The following STS variants were observed in gnomAD, a reference collection of about 807,000 sequenced individuals.
STS encodes the protein steroid sulfatase, also known as steryl-sulfatase.
A neutral mutation model predicts 26.8 loss-of-function variants in STS; 7 were observed. The observed-to-expected ratio is 0.26, with a 90% CI of 0.15 to 0.49. The LOEUF (loss-of-function observed/expected upper bound fraction) is 0.49, where lower values mean the gene tolerates loss of function less well. STS is among the 20% of genes least tolerant of loss of function. The probability of loss-of-function intolerance (pLI) is 0.98; values close to 1 mark genes in which losing one functional copy is unlikely to be tolerated. For synonymous variants in STS, 199 were observed against 189.4 expected, an observed-to-expected ratio of 1.05 and a Z score of -0.42; for missense variants, 434 against 465.6, an observed-to-expected ratio of 0.93 and a Z score of 0.63.
chrX:7,287,996 T>A, intron 7 of STS, among the ~76,000 whole-genome samples: 1 of 111,011 alleles, frequency 9.0e-6, no homozygotes, highest in East Asian at 2.8e-4. Context: ...TTTTTTTCTA[T>A]TGTGTGTAGG....
At chrX:7,269,768 G>A (rs1156620812) in intron 6 of STS, among the ~76,000 whole-genome samples, 1 of 111,352 alleles carries the variant, frequency 9.0e-6, no homozygotes, top group Non-Finnish European at 1.9e-5. Context: ...GTTGGGGGTG[G>A]CGGTTGTTGA....
chrX:7,203,629 C>T (rs1269519376), intron 2 of STS, among the ~76,000 whole-genome samples: 4 of 111,574 alleles, frequency 3.6e-5, no homozygotes, highest in Non-Finnish European at 7.5e-5. Flanking sequence ...TTTATATATA[C>T]AAGAATTTAT....
chrX:7,155,038 G>T (rs774916879), intron 1 of STS, among the ~76,000 whole-genome samples: 2 of 112,054 alleles, frequency 1.8e-5, no homozygotes, highest in South Asian at 3.7e-4. Context: ...TGGTTGCACA[G>T]CCTCTCCCTT....
chrX:7,253,052 G>A (rs946538235), intron 2 of STS, 144 bp from the exon 3 acceptor site: 3 of 649,009 alleles, frequency 4.6e-6, no homozygotes, highest in Non-Finnish European at 7.2e-6. Context: ...TTGGGAGGCT[G>A]AGACAGGAGG....
intron 1 of STS, among the ~76,000 whole-genome samples, chrX:7,161,907 T>C (rs1474998641): frequency 3.6e-5 from 4 of 111,458 alleles, no homozygotes; most frequent in African/African-American, 1.3e-4. Flanking sequence ...AACTGAGAAA[T>C]TGCCCCATAT....
chrX:7,316,244 C>T (rs747047674), intron 8 of STS, among the ~76,000 whole-genome samples: 15 of 112,012 alleles, frequency 1.3e-4, no homozygotes, highest in Admixed American at 1.9e-4. Flanking sequence ...CACTTCCCCC[C>T]GATGCTGAAG....
At chrX:7,271,913 G>A (rs965729260) in intron 6 of STS, among the ~76,000 whole-genome samples, 8 of 109,915 alleles carry the variant, frequency 7.3e-5, no homozygotes, top group Non-Finnish European at 1.5e-4. Context: ...GGGGATGCCT[G>A]GCTTAGCTCT....
intron 1 of STS, 24 bp downstream of exon 1, chrX:7,148,107 C>T (rs1443420119): frequency 1.8e-6 from 2 of 1,131,368 alleles, no homozygotes; most frequent in Non-Finnish European, 2.3e-6. Context: ...TGCGGGGGCG[C>T]CGCCATGGTG....
chrX:7,275,879 A>G (rs1361195632), intron 6 of STS, 72 bp from the exon 7 acceptor site: 1 of 1,107,669 alleles, frequency 9.0e-7, no homozygotes, highest in African/African-American at 1.9e-5. Context: ...GATCTTAATC[A>G]GAATGGTGGC....
chrX:7,323,188 A>C (rs896661294), intron 8 of STS, among the ~76,000 whole-genome samples: 3 of 111,274 alleles, frequency 2.7e-5, no homozygotes, highest in African/African-American at 6.5e-5. Context: ...TGTCCGTTGT[A>C]ATCATTGACC....
intron 2 of STS, among the ~76,000 whole-genome samples, chrX:7,240,465 GCA>G (rs3077768): frequency 0.37 from 31,315 of 84,927 alleles, 4,872 homozygotes; most frequent in Middle Eastern, 0.43. Context: ...GAGCGCGCGC[GCA>G]CACACACACA....
intron 9 of STS, among the ~76,000 whole-genome samples, chrX:7,325,822 A>C (rs1927422673): frequency 8.9e-6 from 1 of 111,784 alleles, no homozygotes. Context: ...CTGAGTGGGG[A>C]AACCCAGCCA....
At chrX:7,324,611 C>G (rs1045911527) in intron 8 of STS, among the ~76,000 whole-genome samples, 1 of 111,269 alleles carries the variant, frequency 9.0e-6, no homozygotes, top group Non-Finnish European at 1.9e-5. Context: ...TCTGTTTTGT[C>G]AGTCTTAAGG....
chrX:7,202,787 C>T (rs1934095904), intron 2 of STS, among the ~76,000 whole-genome samples: 1 of 110,948 alleles, frequency 9.0e-6, no homozygotes, highest in Non-Finnish European at 1.9e-5. Context: ...GAAGATCCAC[C>T]ATCAATGTGG....
At chrX:7,328,563 T>TC (rs1360046380) in intron 9 of STS, among the ~76,000 whole-genome samples, 26 of 105,443 alleles carry the variant, frequency 2.5e-4, no homozygotes, top group African/African-American at 8.4e-4. Flanking sequence ...TCATTTTTTT[T>TC]TTTTTTTTTG....
At chrX:7,298,916 G>A (rs185966140) in intron 7 of STS, among the ~76,000 whole-genome samples, 16 of 102,383 alleles carry the variant, frequency 1.6e-4, no homozygotes, top group African/African-American at 5.3e-4. Context: ...TGTTTAAGGG[G>A]ATATCTACCT....
intron 2 of STS, among the ~76,000 whole-genome samples, chrX:7,203,668 C>G: frequency 9.0e-6 from 1 of 111,633 alleles, no homozygotes; most frequent in Non-Finnish European, 1.9e-5. Flanking sequence ...ACTGGTAGTT[C>G]TGCTCCCTGC....
chrX:7,165,516 C>T (rs767077301), intron 1 of STS, among the ~76,000 whole-genome samples: 1 of 110,738 alleles, frequency 9.0e-6, no homozygotes, highest in African/African-American at 3.3e-5. Flanking sequence ...TGTGGTGGCT[C>T]ACACCTGTAG....
chrX:7,255,748 A>G (rs781350307), intron 3 of STS, among the ~76,000 whole-genome samples: 2 of 112,632 alleles, frequency 1.8e-5, no homozygotes, highest in Non-Finnish European at 3.8e-5. Flanking sequence ...TCTTCTAAGC[A>G]TCTCACCCTT....
Sources: allele counts gnomAD v4.1 joint callset (sites outside exome capture counted in the v4.1 genomes callset), GRCh38; gene constraint gnomAD v4.1.1; transcripts MANE v1.5; gene names NCBI Gene and HGNC (gene_info 2026-07-23, HGNC 2026-07-21).